NUMBL: variants seen among roughly 807,000 people sequenced by gnomAD.
NUMBL encodes NUMB like endocytic adaptor protein, also known as numb-like protein.
NUMBL carries 20 observed loss-of-function variants against 48.9 expected under a neutral mutation model. The observed-to-expected ratio is 0.41, with a 90% CI of 0.29 to 0.59. The LOEUF is 0.59. NUMBL is among the 20% of genes least tolerant of loss of function. The probability of loss-of-function intolerance (pLI) is 0.31; values close to 1 mark genes in which losing one functional copy is unlikely to be tolerated. For synonymous variants in NUMBL, 340 were observed against 348.7 expected, an observed-to-expected ratio of 0.98 and a Z score of 0.28; for missense variants, 660 against 846.2, an observed-to-expected ratio of 0.78 and a Z score of 2.73.
chr19:40,673,429 C>T lies in NUMBL; in HGVS notation c.951G>A (p.Ser317=), dbSNP rs1485300156. 8.1e-6 allele frequency: 13 copies of T among 1,612,866 alleles called. No individual in the cohort carries two copies. The highest frequency in any genetic ancestry group is 4.5e-5 in the East Asian group (2 of 44,832). The change falls in exon 8 of 10, where the codon TCG becomes TCA. Residue 317 remains serine (S), a synonymous_variant. Coordinates refer to ENST00000252891, the MANE Select transcript of NUMBL (RefSeq NM_004756.5). The surrounding 1 kb of genome is among the most constrained non-coding windows in gnomAD (Gnocchi z 5.9). ...GTAGGCTCAGCTGCCGTTTGAAAGG[C>T]GAGTTCTTCTGGCTGAGTGCTGGGA... is the stretch of plus-strand genomic sequence containing the variant. ...RGFPALSQKN[S]PFKRQLSLRL... is the part of the protein sequence containing the mutation.
chr19:40,671,377 G>GC (rs1418269595), intron 8 of NUMBL, among the ~76,000 whole-genome samples: 1 of 151,842 alleles, frequency 6.6e-6, no homozygotes, highest in Admixed American at 6.6e-5. Flanking sequence ...CATGTGTGTG[G>GC]GGGGGTGCAA....
At position 40,668,005 on chromosome 19, in the gene NUMBL, C is replaced by T. The variant is rs113293833; in HGVS notation, c.1293G>A (p.Gln431=). 6.1e-4 allele frequency: 950 copies of T among 1,548,942 alleles called. 12 individuals carry two copies. In the African/African-American group the frequency reaches 0.012, roughly 19 times the overall value. The change falls in exon 10 of 10, where the codon CAG becomes CAA. Residue 431 remains glutamine (Q), a synonymous_variant. Transcript: ENST00000252891. The part of the protein sequence containing the change: ...SQVAKAQQQQ[Q]QQQQQQQQQQ... ...GCTGCTGCTGCTGTTGCTGTTGCTG[C>T]TGCTGCTGCTGCTGGGCCTTGGCCA...
intron 7 of NUMBL, among the ~76,000 whole-genome samples, chr19:40,676,978 T>A (rs929003329): frequency 6.6e-6 from 1 of 151,912 alleles, no homozygotes; most frequent in Non-Finnish European, 1.5e-5. Flanking sequence ...CCATGCCCAG[T>A]TAATTTTTGT....
chr19:40,680,991 C>G lies in NUMBL; in HGVS notation c.466G>C (p.Ala156Pro). The G allele has an allele frequency of 6.2e-7, 1 of 1,614,204 alleles. No individual in the cohort carries two copies. The highest frequency in any genetic ancestry group is 8.5e-7 in the Non-Finnish European group (1 of 1,180,038). The change falls in exon 6 of 10, where the codon GCT becomes CCT. Residue 156 changes from alanine to proline, a missense_variant. Ala to Pro is a conservative substitution (Grantham distance 27). This residue lies in a region of NUMBL where 278 missense variants were observed against 420.6 expected (regional missense o/e 0.66). Transcript: ENST00000252891. ...CCGTCACGACAGATATAGGAGAAAG[C>G]CTTGTCCAGGTTGCGGTCAGGAGCA... is the stretch of plus-strand genomic sequence containing the variant. ...FCAPDRNLDK[A>P]FSYICRDGTT...
Position 40,667,703 on chromosome 19 carries a change from G to A in NUMBL, c.1595C>T (p.Thr532Ile). ...GAAGGCCCCAGCTTTCCCAAGCAGA[G>A]TGGCAGGCTGAGGCTGGAGCTGGGC... ...SAAQLQPQPA[T>I]LLGKAGAFPP... Residue 532 changes from threonine (T) to isoleucine (I), a missense_variant, in exon 10 of 10, where the codon ACT becomes ATT. Coordinates refer to ENST00000252891, the MANE Select transcript of NUMBL (RefSeq NM_004756.5). This position sits in a 1 kb window ranked among gnomAD's most constrained non-coding sequence, Gnocchi z 6.1. The A allele has an allele frequency of 6.3e-7, 1 of 1,575,340 alleles. No individual in the cohort carries two copies. Among genetic ancestry groups the A allele is most frequent in the African/African-American group, 1.3e-5 (1 of 74,318 alleles).
Position 40,688,930 on chromosome 19 carries a change from G to A in NUMBL, c.24+1530C>T, listed in dbSNP as rs2081947564. ...CACACTCAGACATGGTTCTGCATAC[G>A]CAACCACTGTCATACACAATACTGT... On this transcript the variant is annotated intron_variant, in intron 1 of 9. Transcript: ENST00000252891. This position sits in a 1 kb window ranked among gnomAD's most constrained non-coding sequence, Gnocchi z 4.6. Among the ~76,000 whole-genome samples, 1 of 152,118 alleles carries A rather than the reference G, an allele frequency of 6.6e-6. No individual in the cohort carries two copies. Among genetic ancestry groups the A allele is most frequent in the Non-Finnish European group, 1.5e-5 (1 of 68,034 alleles).
chr19:40,670,079 C>T (rs575227136), intron 8 of NUMBL, 59 bp from the exon 9 acceptor site: 2 of 1,570,924 alleles, frequency 1.3e-6, no homozygotes, highest in South Asian at 2.4e-5. Flanking sequence ...CGCAGCCCCG[C>T]CCTCTACCCC....
At chr19:40,669,861 A>T (rs201113506) in intron 9 of NUMBL, 37 bp downstream of exon 9, 41 of 1,604,672 alleles carry the variant, frequency 2.6e-5, no homozygotes, top group Non-Finnish European at 8.5e-7. Context: ...CAGGAGGGAC[A>T]TGCAGGGTGT....
Position 40,667,315 on chromosome 19 carries a change from G to T in NUMBL, c.*153C>A. On this transcript the variant is annotated 3_prime_UTR_variant, in exon 10 of 10. Transcript: ENST00000252891. This position sits in a 1 kb window ranked among gnomAD's most constrained non-coding sequence, Gnocchi z 6.1. ...TTGCAACCTGGGCGTCACAATGTTG[G>T]TTCTGTAGTGGTTGTCGGGGTGGTT... The T allele has an allele frequency of 8.9e-7, 1 of 1,124,440 alleles. No individual in the cohort carries two copies. The highest frequency in any genetic ancestry group is 1.2e-6 in the Non-Finnish European group (1 of 810,008). 69.7% of individuals were successfully genotyped at this position (1,124,440 alleles called of 1,614,324 possible). A position where few individuals can be genotyped will look rare whatever the true frequency, so the allele number is the denominator to read the frequency against.
At chr19:40,675,576 AACACACACACAC>A (rs3071383) in intron 7 of NUMBL, among the ~76,000 whole-genome samples, 34 of 142,290 alleles carry the variant, frequency 2.4e-4, no homozygotes, top group Non-Finnish European at 3.5e-4. Context: ...TTATATTTTA[AACACACACACAC>A]ACACACACAC....
rs985998135 is a variant in NUMBL at position 40,687,951 on chromosome 19, G to A, written c.25-956C>T. On this transcript the variant is annotated intron_variant, in intron 1 of 9. Coordinates refer to ENST00000252891, the MANE Select transcript of NUMBL (RefSeq NM_004756.5). This position sits in a 1 kb window ranked among gnomAD's most constrained non-coding sequence, Gnocchi z 4.6. ...TGGTCACACATACTCAGTCATAGGT[G>A]CTCAAATCTGGTCACAGCATCAGTC... 1.3e-5 allele frequency among the ~76,000 whole-genome samples: 2 copies of A among 152,150 alleles called. No individual in the cohort carries two copies. The highest frequency in any genetic ancestry group is 4.8e-5 in the African/African-American group (2 of 41,428).
chr19:40,669,208 G>A (rs2081832827), intron 9 of NUMBL, among the ~76,000 whole-genome samples: 1 of 152,084 alleles, frequency 6.6e-6, no homozygotes, highest in Non-Finnish European at 1.5e-5. Flanking sequence ...ATGATCCTCT[G>A]GTTCTAAGAT....
In NUMBL at chr19:40,681,073, G is replaced by C. The variant is rs879030065; in HGVS notation, c.400-16C>G. 6.2e-7 allele frequency: 1 copy of C among 1,613,584 alleles called. No individual in the cohort carries two copies. The highest frequency in any genetic ancestry group is 8.5e-7 in the Non-Finnish European group (1 of 1,179,628). On this transcript the variant is annotated splice_polypyrimidine_tract_variant and intron_variant, in intron 5 of 9. Coordinates refer to ENST00000252891, the MANE Select transcript of NUMBL (RefSeq NM_004756.5). ...CCAGAAGATCCTAGGAGGGGCCGGGGAGGCCAGGAGAAGAGTGTGAACTCT... is the reference window on the plus strand; with the variant it reads ...CCAGAAGATCCTAGGAGGGGCCGGGCAGGCCAGGAGAAGAGTGTGAACTCT...
In NUMBL at chr19:40,670,344, C is replaced by T. The variant is rs534043902; in HGVS notation, c.1037-324G>A. ...ATATTAGTTTAAAAATATGCCCAAC[C>T]ACGTGCATGGCAAGGACATGGGCCC... On this transcript the variant is annotated intron_variant, in intron 8 of 9. Coordinates refer to ENST00000252891, the MANE Select transcript of NUMBL (RefSeq NM_004756.5). Among the ~76,000 whole-genome samples, 41 of 152,320 alleles carry T rather than the reference C, an allele frequency of 2.7e-4. No homozygotes were observed. The East Asian group carries it at 7.9e-3, about 29-fold the overall frequency.
intron 8 of NUMBL, among the ~76,000 whole-genome samples, chr19:40,670,957 T>G (rs1050947826): frequency 6.6e-6 from 1 of 151,818 alleles, no homozygotes; most frequent in African/African-American, 2.4e-5. Context: ...TAAATCTGAG[T>G]GTGTTTCTTT....
At chr19:40,684,068 G>GGTTT in intron 3 of NUMBL, 2 of 124,524 alleles carry the variant, frequency 1.6e-5, no homozygotes, top group South Asian at 1.8e-4. Flanking sequence ...TACGCTTCAA[G>GGTTT]TTTTTTTTTT....
In NUMBL at chr19:40,676,220, A is replaced by T. The variant is rs190703837; in HGVS notation, c.730+1012T>A. On this transcript the variant is annotated intron_variant, in intron 7 of 9. Coordinates refer to ENST00000252891, the MANE Select transcript of NUMBL (RefSeq NM_004756.5). ...AGCCTGGGAAACACAGCAAGATCCC[A>T]GTTCTACAAAATATAAAAATAAAAT... Among the ~76,000 whole-genome samples, 421 of 152,238 alleles carry T rather than the reference A, an allele frequency of 2.8e-3. 3 individuals are homozygous for T. Among genetic ancestry groups the T allele is most frequent in the African/African-American group, 9.8e-3 (407 of 41,538 alleles).
rs973647028 is a variant in NUMBL, at chr19:40,666,331, G to C, written c.*1137C>G. 4 of 151,908 alleles carry C rather than the reference G, an allele frequency of 2.6e-5. No homozygotes were observed. Among genetic ancestry groups the C allele is most frequent in the Non-Finnish European group, 5.9e-5 (4 of 67,966 alleles). The allele number at this position is 151,908 out of a possible 1,614,324, so 9.4% of individuals were successfully genotyped here. A position where few individuals can be genotyped will look rare whatever the true frequency, so the allele number is the denominator to read the frequency against. On this transcript the variant is annotated 3_prime_UTR_variant, in exon 10 of 10. Coordinates refer to ENST00000252891, the MANE Select transcript of NUMBL (RefSeq NM_004756.5). Reference sequence around the variant, plus strand: ...ATTTTTGAATTTTTGGTAGAGACTGGGTTTCTCCATGGCGGCCAGGCTGGT... The same window carrying C: ...ATTTTTGAATTTTTGGTAGAGACTGCGTTTCTCCATGGCGGCCAGGCTGGT...
chr19:40,680,085 A>G (rs1196706680), intron 6 of NUMBL, among the ~76,000 whole-genome samples: 2 of 151,816 alleles, frequency 1.3e-5, no homozygotes, highest in Admixed American at 1.3e-4. Context: ...TACCCACAGG[A>G]GATGGTCCTG....
Sources: gnomAD v4.1 joint callset for allele counts (sites outside exome capture counted in the v4.1 genomes callset) on GRCh38, gnomAD v4.1.1 for gene constraint, gnomAD v4.1.1 regional missense constraint, Gnocchi (gnomAD v3.1) non-coding constraint, MANE v1.5 for transcripts, NCBI Gene and HGNC (gene_info 2026-07-23, HGNC 2026-07-21) for gene names.